The following MIA2 variants were observed in gnomAD, a reference collection of about 807,000 sequenced individuals.
MIA2 encodes the protein MIA SH3 domain ER export factor 2.
MIA2 carries 127 observed loss-of-function variants against 167.8 expected under a neutral mutation model. That is an observed-to-expected ratio of 0.76 (90% CI 0.66 to 0.88). The LOEUF (loss-of-function observed/expected upper bound fraction) is 0.88, where lower values mean the gene tolerates loss of function less well. Ranked by LOEUF, MIA2 falls within the 40% of genes least tolerant of loss-of-function variation. The pLI is 0.00. For missense variants in MIA2, 1,690 were observed against 1,624.7 expected (o/e 1.04, Z -0.69); for synonymous variants, 552 against 541.9 (o/e 1.02, Z -0.26).
intron 23 of MIA2, among the ~76,000 whole-genome samples, chr14:39,361,835 G>C (rs1422982766): frequency 1.3e-5 from 2 of 152,084 alleles, no homozygotes; most frequent in Non-Finnish European, 2.9e-5. Context: ...GTTAGCTGTG[G>C]GTCTGTCAGA....
chr14:39,305,004 G>T (rs375084301), intron 17 of MIA2, among the ~76,000 whole-genome samples: 2 of 152,232 alleles, frequency 1.3e-5, no homozygotes, highest in East Asian at 1.9e-4. Context: ...GTTTGCATCA[G>T]AAAAGACTGG....
intron 24 of MIA2, among the ~76,000 whole-genome samples, chr14:39,325,370 T>A (rs1257002513): frequency 1.3e-5 from 2 of 149,132 alleles, no homozygotes; most frequent in African/African-American, 4.9e-5. Flanking sequence ...TGTTAAATTT[T>A]TTTTTTTTTT....
At chr14:39,381,276 G>A (rs1044443610) in intron 23 of MIA2, among the ~76,000 whole-genome samples, 2 of 152,162 alleles carry the variant, frequency 1.3e-5, no homozygotes, top group African/African-American at 2.4e-5. Context: ...TCAGTCTACT[G>A]AGAAGAAATA....
chr14:39,350,339 GA>G lies in MIA2; in HGVS notation c.*76del. Reference sequence around the variant, plus strand: ...TTTAAGTAACTGCTGTTACTTAAGTGATTACACTTTTGCTCAAATTGAAGCT... The same window carrying G: ...TTTAAGTAACTGCTGTTACTTAAGTGTTACACTTTTGCTCAAATTGAAGCT... On this transcript the variant is annotated 3_prime_UTR_variant, in exon 29 of 29. Coordinates refer to ENST00000640607, the MANE Select transcript of MIA2 (RefSeq NM_001329214.4). The G allele has an allele frequency of 1.8e-5, 11 of 610,730 alleles. No individual in the cohort carries two copies. The highest frequency in any genetic ancestry group is 3.0e-5 in the Non-Finnish European group (11 of 362,164). 37.8% of individuals were successfully genotyped at this position (610,730 alleles called of 1,614,324 possible). A position where few individuals can be genotyped will look rare whatever the true frequency, so the allele number is the denominator to read the frequency against.
intron 23 of MIA2, chr14:39,385,952 G>A (rs2075266900): frequency 3.7e-6 from 3 of 812,346 alleles, no homozygotes; most frequent in Non-Finnish European, 6.4e-6. Context: ...ACACTGAGAG[G>A]AGGACCAGGA....
intron 25 of MIA2, among the ~76,000 whole-genome samples, chr14:39,335,404 T>C (rs2070131070): frequency 2.0e-5 from 3 of 152,184 alleles, no homozygotes; most frequent in African/African-American, 7.2e-5. Context: ...AAGAAGTGTT[T>C]TAGATTTCCA....
At chr14:39,312,888 TG>T (rs1555388798) in intron 18 of MIA2, among the ~76,000 whole-genome samples, 2 of 4,002 alleles carry the variant, frequency 5.0e-4, no homozygotes, top group Admixed American at 2.5e-3. Context: ...TAATTATAAT[TG>T]TGTGTGTGTG....
chr14:39,354,538 T>G (rs1008704904), downstream of MIA2, among the ~76,000 whole-genome samples: 5 of 152,236 alleles, frequency 3.3e-5, no homozygotes, highest in Non-Finnish European at 7.3e-5. Flanking sequence ...GTAGTTTCTT[T>G]TGCTGTGCAG....
At chr14:39,243,055 G>A (rs539846740) in intron 3 of MIA2, among the ~76,000 whole-genome samples, 12 of 151,018 alleles carry the variant, frequency 7.9e-5, no homozygotes, top group East Asian at 3.9e-4. Context: ...CCCAGAAGGC[G>A]GAGGTTACAG....
chr14:39,252,567 T>C (rs542999926), intron 4 of MIA2, among the ~76,000 whole-genome samples, 181 bp from the exon 5 acceptor site: 19 of 152,334 alleles, frequency 1.2e-4, no homozygotes, highest in African/African-American at 3.6e-4. Context: ...TTTGGTAATT[T>C]ATCTTACTAG....
chr14:39,267,570 C>G (rs1007542706), intron 6 of MIA2: 2 of 1,602,558 alleles, frequency 1.2e-6, no homozygotes, highest in Non-Finnish European at 1.7e-6. Context: ...GTCGCGGGAG[C>G]CGCCGGGGGA....
chr14:39,331,188 A>G (rs2068779723), intron 25 of MIA2, among the ~76,000 whole-genome samples: 1 of 152,100 alleles, frequency 6.6e-6, no homozygotes, highest in Non-Finnish European at 1.5e-5. Flanking sequence ...TTGGTGTTGC[A>G]TTGATCCCTT....
At chr14:39,274,078 A>AT (rs1005387226) in intron 6 of MIA2, among the ~76,000 whole-genome samples, 16 of 152,142 alleles carry the variant, frequency 1.1e-4, no homozygotes, top group Middle Eastern at 3.4e-3. Flanking sequence ...TGATTAATTG[A>AT]TTTTTTTTAA....
rs1449569182 is a variant in MIA2, at chr14:39,279,447, A to G, written c.2042-2A>G. The G allele has an allele frequency of 6.2e-7, 1 of 1,603,978 alleles. No individual in the cohort carries two copies. Among genetic ancestry groups the G allele is most frequent in the Non-Finnish European group, 8.5e-7 (1 of 1,177,638 alleles). On this transcript the variant is annotated splice_acceptor_variant, in intron 8 of 28. Coordinates refer to ENST00000640607, the MANE Select transcript of MIA2 (RefSeq NM_001329214.4). LOFTEE classifies it high-confidence loss of function. ...ATGGTAATATTGACTTGACTTTTTT[A>G]GGACGAGAGAAAAAGCTTGCTCTAA... is the stretch of plus-strand genomic sequence containing the variant.
At chr14:39,376,313 C>A (rs563517978) in intron 23 of MIA2, among the ~76,000 whole-genome samples, 1 of 152,014 alleles carries the variant, frequency 6.6e-6, no homozygotes, top group East Asian at 1.9e-4. Context: ...GATTTCTAAA[C>A]GATTTTTCAA....
intron 3 of MIA2, among the ~76,000 whole-genome samples, chr14:39,243,130 AAAAAAAAAGAAGACAAAG>A (rs2054131125): frequency 6.6e-6 from 1 of 151,812 alleles, no homozygotes; most frequent in Non-Finnish European, 1.5e-5. Context: ...CTCAAAAAAA[AAAAAAAAAGAAGACAAAG>A]AAAAAAGAAG....
At chr14:39,302,095 C>T (rs868322176) in intron 14 of MIA2, 34 bp from the exon 15 acceptor site, 2 of 1,605,098 alleles carry the variant, frequency 1.2e-6, no homozygotes, top group Non-Finnish European at 8.5e-7. Context: ...TAAGGCATTA[C>T]CCTCTCTATT....
chr14:39,346,075 T>A (rs760527020), intron 26 of MIA2, 49 bp downstream of exon 26: 4 of 1,517,236 alleles, frequency 2.6e-6, no homozygotes, highest in Middle Eastern at 1.7e-4. Flanking sequence ...GGTGGCACAC[T>A]AAAGAACTGG....
rs565052015 is a variant in MIA2 at position 39,314,810 on chromosome 14, ATGTGTG to A, written c.3180+33_3180+38del. On this transcript the variant is annotated intron_variant, in intron 20 of 28. Coordinates refer to ENST00000640607, the MANE Select transcript of MIA2 (RefSeq NM_001329214.4). ...TCTTATCAAGGGCAGGTATATATAT[ATGTGTG>A]TGTGTGTGTGTGTGTGTGTGTATAT... 2.0e-5 allele frequency: 21 copies of A among 1,065,146 alleles called. No homozygotes were observed. The highest frequency in any genetic ancestry group is 3.4e-5 in the South Asian group (2 of 58,200). The allele number at this position is 1,065,146 out of a possible 1,614,324, so 66.0% of individuals were successfully genotyped here.
Sources: gnomAD v4.1 joint callset for allele counts (sites outside exome capture counted in the v4.1 genomes callset) on GRCh38, gnomAD v4.1.1 for gene constraint, MANE v1.5 for transcripts, NCBI Gene and HGNC (gene_info 2026-07-23, HGNC 2026-07-21) for gene names.